Variants in ESCO2 observed in about 807,000 individuals in gnomAD.
ESCO2 encodes establishment of sister chromatid cohesion N-acetyltransferase 2, also known as N-acetyltransferase ESCO2.
A neutral mutation model predicts 61.7 loss-of-function variants in ESCO2; 51 were observed. That is an observed-to-expected ratio of 0.83 (90% CI 0.66 to 1.04). ESCO2 has a LOEUF of 1.04. Ranked by LOEUF, ESCO2 falls within the 50% of genes least tolerant of loss-of-function variation. The pLI, the probability that ESCO2 is intolerant of heterozygous loss-of-function variation, is 0.00. For synonymous variants in ESCO2, 230 were observed against 238.2 expected (o/e 0.97, Z 0.32); for missense variants, 692 against 686.2 (o/e 1.01, Z -0.09).
At chr8:27,773,875 T>A (rs1251397013), upstream of ESCO2, 2 of 152,244 alleles carry the variant, frequency 1.3e-5, no homozygotes, top group African/African-American at 4.8e-5. Context: ...TTTCTGGTTT[T>A]CCAAAGTAAG....
At chr8:27,816,504 G>A (rs2128962282), downstream of ESCO2, among the ~76,000 whole-genome samples, 1 of 151,572 alleles carries the variant, frequency 6.6e-6, no homozygotes, top group East Asian at 1.9e-4. Flanking sequence ...AGCCTCCTGA[G>A]TAGCTGGGAC....
At chr8:27,807,228 A>G (rs1031076377), downstream of ESCO2, among the ~76,000 whole-genome samples, 1 of 152,168 alleles carries the variant, frequency 6.6e-6, no homozygotes, top group Non-Finnish European at 1.5e-5. Flanking sequence ...ACTATTAAAT[A>G]TAAGGTTTAT....
chr8:27,816,337 C>T (rs1422198458), downstream of ESCO2, among the ~76,000 whole-genome samples: 3 of 129,012 alleles, frequency 2.3e-5, no homozygotes, highest in Non-Finnish European at 4.9e-5. Context: ...GGCTTTTCAT[C>T]GAATACTATA....
intron 5 of ESCO2, among the ~76,000 whole-genome samples, chr8:27,786,220 T>C (rs1189363674): frequency 6.6e-6 from 1 of 152,140 alleles, no homozygotes; most frequent in Admixed American, 6.6e-5. Context: ...AACGCAGAAA[T>C]GAAGACAAAG....
At chr8:27,800,927 T>G (rs1169590543) in intron 10 of ESCO2, among the ~76,000 whole-genome samples, 1 of 152,142 alleles carries the variant, frequency 6.6e-6, no homozygotes, top group Non-Finnish European at 1.5e-5. Context: ...ATGTGTAGTT[T>G]CCAGGGACTG....
At chr8:27,783,891 T>G (rs939330273) in intron 4 of ESCO2, 109 bp from the exon 5 acceptor site, 6 of 1,050,556 alleles carry the variant, frequency 5.7e-6, no homozygotes, top group Non-Finnish European at 8.9e-6. Context: ...GCCTCTTTGT[T>G]AAATCTTGAT....
At chr8:27,800,021 A>G (rs1348904550) in intron 10 of ESCO2, among the ~76,000 whole-genome samples, 3 of 152,128 alleles carry the variant, frequency 2.0e-5, no homozygotes, top group African/African-American at 7.2e-5. Flanking sequence ...AAAAATAGAA[A>G]AAACAAAACT....
chr8:27,816,044 C>T (rs1361073136), downstream of ESCO2, among the ~76,000 whole-genome samples: 1 of 152,120 alleles, frequency 6.6e-6, no homozygotes, highest in African/African-American at 2.4e-5. Context: ...AATGATGAAA[C>T]TGGAGCTCCT....
downstream of ESCO2, among the ~76,000 whole-genome samples, chr8:27,814,349 C>CT (rs1395022109): frequency 2.0e-5 from 3 of 151,634 alleles, no homozygotes; most frequent in South Asian, 2.1e-4. Context: ...CCTAATTATT[C>CT]TTTAAATGTG....
intron 9 of ESCO2, among the ~76,000 whole-genome samples, chr8:27,793,347 C>CAT (rs1805220606): frequency 6.6e-6 from 1 of 151,968 alleles, no homozygotes. Flanking sequence ...TTACAGTGTA[C>CAT]ATGTGATATT....
At chr8:27,816,136 T>G (rs964420606), downstream of ESCO2, among the ~76,000 whole-genome samples, 4 of 152,178 alleles carry the variant, frequency 2.6e-5, no homozygotes, top group East Asian at 7.7e-4. Flanking sequence ...GGGCCACTGC[T>G]GTGTTTATAA....
At chr8:27,818,767 G>T in the ESCO2 span, among the ~76,000 whole-genome samples, 1 of 151,916 alleles carries the variant, frequency 6.6e-6, no homozygotes. Flanking sequence ...GGTACCCATG[G>T]CTTTTTAATG....
chr8:27,786,206 G>T (rs1805037415), intron 5 of ESCO2, among the ~76,000 whole-genome samples: 3 of 152,246 alleles, frequency 2.0e-5, no homozygotes, highest in Admixed American at 2.0e-4. Context: ...AACGAAGGTG[G>T]ACGAACGCAG....
downstream of ESCO2, among the ~76,000 whole-genome samples, chr8:27,807,074 A>T (rs1250289345): frequency 1.3e-5 from 2 of 152,188 alleles, no homozygotes; most frequent in African/African-American, 4.8e-5. Flanking sequence ...TCTGTGAATG[A>T]GTTTTCTTTT....
downstream of ESCO2, among the ~76,000 whole-genome samples, chr8:27,816,744 ATTTT>A (rs922611632): frequency 6.6e-6 from 1 of 151,610 alleles, no homozygotes; most frequent in South Asian, 2.1e-4. Flanking sequence ...AGATTTGGGT[ATTTT>A]TTTTCAAACT....
intron 10 of ESCO2, among the ~76,000 whole-genome samples, chr8:27,802,130 TTTGA>T (rs1405325187): frequency 9.3e-6 from 1 of 107,720 alleles, no homozygotes; most frequent in Non-Finnish European, 2.0e-5. Context: ...ATCCCTCAAT[TTTGA>T]TTAATTCTTT....
At chr8:27,786,414 G>A (rs541888696) in intron 5 of ESCO2, among the ~76,000 whole-genome samples, 1 of 152,238 alleles carries the variant, frequency 6.6e-6, no homozygotes, top group East Asian at 1.9e-4. Context: ...ATAGATAATC[G>A]CAAGAAACAC....
chr8:27,818,109 A>G, the ESCO2 span, among the ~76,000 whole-genome samples: 39,086 of 152,144 alleles, frequency 0.26, 6,044 homozygotes, highest in Middle Eastern at 0.36. Flanking sequence ...TTCCATCAGT[A>G]TAAGTCCTAA....
At chr8:27,783,637 A>G (rs1203710596) in intron 4 of ESCO2, among the ~76,000 whole-genome samples, 1 of 152,158 alleles carries the variant, frequency 6.6e-6, no homozygotes, top group African/African-American at 2.4e-5. Context: ...ACACAGTCTC[A>G]CTAAGTTGCC....
Sources: gnomAD v4.1 joint callset for allele counts (sites outside exome capture counted in the v4.1 genomes callset) on GRCh38, gnomAD v4.1.1 for gene constraint, MANE v1.5 for transcripts, NCBI Gene and HGNC (gene_info 2026-07-23, HGNC 2026-07-21) for gene names.